The following CPB1 variants were observed in gnomAD, a reference collection of about 807,000 sequenced individuals.
CPB1 encodes the protein carboxypeptidase B.
A neutral mutation model predicts 51.4 loss-of-function variants in CPB1; 53 were observed. The ratio of observed to expected loss-of-function variants is 1.03; its 90% CI spans 0.83 to 1.30. The LOEUF (loss-of-function observed/expected upper bound fraction) is 1.30, where lower values mean the gene tolerates loss of function less well. Ranked by LOEUF, CPB1 falls within the 50% of genes most tolerant of loss-of-function variation. The probability of loss-of-function intolerance (pLI) is 0.00; values close to 1 mark genes in which losing one functional copy is unlikely to be tolerated. For synonymous variants in CPB1, 189 were observed against 186.9 expected (o/e 1.01, Z -0.09); for missense variants, 494 against 516.2 (o/e 0.96, Z 0.42).
chr3:148,853,851 C>T (rs1263385556), intron 9 of CPB1, among the ~76,000 whole-genome samples: 2 of 152,144 alleles, frequency 1.3e-5, no homozygotes, highest in South Asian at 4.1e-4. Context: ...AGTGTTAGTT[C>T]TTTTATCTGT....
chr3:148,849,715 T>A (rs985931989), intron 9 of CPB1, among the ~76,000 whole-genome samples: 1 of 152,260 alleles, frequency 6.6e-6, no homozygotes, highest in African/African-American at 2.4e-5. Flanking sequence ...CCAGGGCATG[T>A]GTCTTGCACC....
chr3:148,852,192 T>C (rs1367431593), intron 9 of CPB1, among the ~76,000 whole-genome samples: 3 of 152,144 alleles, frequency 2.0e-5, no homozygotes, highest in Non-Finnish European at 2.9e-5. Flanking sequence ...AAATCAGTTG[T>C]CTTTCTTTTT....
At position 148,845,575 on chromosome 3, in the gene CPB1, G is replaced by A; in HGVS notation, c.930G>A (p.Met310Ile). ...CAATCCACTCGTACTCCCAAATGAT[G>A]ATCTACCCTTACTCATATGCTTACA... The part of the protein sequence containing the change: ...YLTIHSYSQM[M>I]IYPYSYAYKL... Residue 310 changes from methionine to isoleucine, a missense_variant, in exon 9 of 11, where the codon ATG (methionine) becomes ATA (isoleucine). Physicochemically the swap from Met to Ile is conservative, Grantham distance 10 (BLOSUM62 1). Coordinates refer to ENST00000282957, the MANE Select transcript of CPB1 (RefSeq NM_001871.3). 1 of 1,613,844 alleles carries A rather than the reference G, an allele frequency of 6.2e-7. No individual in the cohort carries two copies. Among genetic ancestry groups the A allele is most frequent in the Non-Finnish European group, 8.5e-7 (1 of 1,179,848 alleles).
chr3:148,860,097 C>A lies in CPB1; in HGVS notation c.*95C>A. On this transcript the variant is annotated 3_prime_UTR_variant, in exon 11 of 11. Coordinates refer to ENST00000282957, the MANE Select transcript of CPB1 (RefSeq NM_001871.3). ...TGGTTTGCCTGGATGTTTTGCAGAT[C>A]CCAATCTTTCTTTTAAGCTTCTGGG... The A allele has an allele frequency of 8.3e-7, 1 of 1,202,250 alleles. No individual in the cohort carries two copies. The highest frequency in any genetic ancestry group is 1.2e-6 in the Non-Finnish European group (1 of 848,352). 74.5% of individuals were successfully genotyped at this position (1,202,250 alleles called of 1,614,324 possible).
At chr3:148,857,688 TC>T in intron 10 of CPB1, 147 bp downstream of exon 10, 4 of 287,088 alleles carry the variant, frequency 1.4e-5, no homozygotes, top group South Asian at 9.7e-5. Flanking sequence ...AGTTTTCTGT[TC>T]AAAAAAAAAA....
intron 6 of CPB1, 107 bp downstream of exon 6, chr3:148,842,031 C>A: frequency 1.2e-6 from 1 of 859,806 alleles, no homozygotes; most frequent in Non-Finnish European, 1.8e-6. Context: ...TACACAATTA[C>A]AAGTGCCCAA....
At chr3:148,854,474 T>C (rs902813422) in intron 9 of CPB1, 2 of 152,118 alleles carry the variant, frequency 1.3e-5, no homozygotes, top group African/African-American at 4.8e-5. Context: ...CTTTTTTTTT[T>C]AATTAATAGA....
intron 9 of CPB1, among the ~76,000 whole-genome samples, chr3:148,847,372 T>TA (rs3043983): frequency 0.15 from 13,164 of 86,208 alleles, 976 homozygotes; most frequent in African/African-American, 0.25. Context: ...AAATCATTCT[T>TA]AAAAAAAAAA....
chr3:148,850,654 T>C (rs906788047), intron 9 of CPB1, among the ~76,000 whole-genome samples: 2 of 152,124 alleles, frequency 1.3e-5, no homozygotes, highest in African/African-American at 2.4e-5. Flanking sequence ...AGAATTTGAG[T>C]ATAATGCAAG....
At chr3:148,842,399 A>G (rs1016135667) in intron 6 of CPB1, among the ~76,000 whole-genome samples, 3 of 152,176 alleles carry the variant, frequency 2.0e-5, no homozygotes, top group Admixed American at 2.0e-4. Flanking sequence ...ATTAAAAGAA[A>G]AGAGTGCATA....
chr3:148,853,667 T>A (rs924109576), intron 9 of CPB1, among the ~76,000 whole-genome samples: 20 of 152,226 alleles, frequency 1.3e-4, no homozygotes, highest in African/African-American at 4.8e-4. Flanking sequence ...TATATTTAGC[T>A]TCCTTCTGTT....
At chr3:148,834,403 GA>G (rs1712830261) in intron 2 of CPB1, 94 bp from the exon 3 acceptor site, 13 of 1,200,842 alleles carry the variant, frequency 1.1e-5, no homozygotes, top group Non-Finnish European at 1.6e-5. Context: ...ATTTGATTTT[GA>G]AAATAACTCA....
chr3:148,857,945 G>A lies in CPB1; in HGVS notation c.1066+404G>A, dbSNP rs73160779. Among the ~76,000 whole-genome samples, 764 of 152,172 alleles carry A rather than the reference G, an allele frequency of 5.0e-3. 2 individuals carry two copies. The highest frequency in any genetic ancestry group is 8.1e-3 in the Non-Finnish European group (550 of 67,998). ...AAAAATATCCTTTTCAACCCACAGA[G>A]ACATTTCCTCCCTGTAAGCATCTAC... On this transcript the variant is annotated intron_variant, in intron 10 of 10. Transcript: ENST00000282957.
chr3:148,828,043 T>C lies in CPB1; in HGVS notation c.113T>C (p.Ile38Thr), dbSNP rs757556861. 6.2e-7 allele frequency: 1 copy of C among 1,614,130 alleles called. No individual in the cohort carries two copies. The highest frequency in any genetic ancestry group is 8.5e-7 in the Non-Finnish European group (1 of 1,179,992). The change falls in exon 2 of 11, where the codon ATT (isoleucine) becomes ACT (threonine). Residue 38 changes from isoleucine to threonine, a missense_variant. Transcript: ENST00000282957. ...FRVNVEDENH[I>T]NIIRELASTT... Reference sequence around the variant, plus strand: ...GTTAACGTTGAAGATGAAAATCACATTAACATAATCCGCGAGTTGGCCAGC... The same window carrying C: ...GTTAACGTTGAAGATGAAAATCACACTAACATAATCCGCGAGTTGGCCAGC...
At chr3:148,853,065 A>G (rs1178197017) in intron 9 of CPB1, among the ~76,000 whole-genome samples, 3 of 152,234 alleles carry the variant, frequency 2.0e-5, no homozygotes, top group Non-Finnish European at 4.4e-5. Flanking sequence ...ATCGCAGGAC[A>G]GAAGGAAGGA....
chr3:148,847,800 A>G (rs1032886536), intron 9 of CPB1, among the ~76,000 whole-genome samples: 1 of 152,196 alleles, frequency 6.6e-6, no homozygotes, highest in African/African-American at 2.4e-5. Flanking sequence ...AAAAAGTTCA[A>G]ATAAAAATAC....
At chr3:148,854,400 T>A (rs930471299) in intron 9 of CPB1, 1 of 152,250 alleles carries the variant, frequency 6.6e-6, no homozygotes, top group Non-Finnish European at 1.5e-5. Context: ...TTTACTTGAT[T>A]AATGTCTGTT....
intron 10 of CPB1, among the ~76,000 whole-genome samples, chr3:148,859,348 G>C (rs574688965): frequency 6.6e-6 from 1 of 152,292 alleles, no homozygotes; most frequent in South Asian, 2.1e-4. Context: ...ATCTACACCA[G>C]GCCCTATGCT....
intron 9 of CPB1, chr3:148,851,848 G>A (rs1038748877): frequency 1.3e-5 from 2 of 152,274 alleles, no homozygotes; most frequent in Admixed American, 1.3e-4. Flanking sequence ...GTAGGCACTT[G>A]AATGCCAGGA....
Sources: allele counts gnomAD v4.1 joint callset (sites outside exome capture counted in the v4.1 genomes callset), GRCh38; gene constraint gnomAD v4.1.1; transcripts MANE v1.5; gene names NCBI Gene and HGNC (gene_info 2026-07-23, HGNC 2026-07-21).